ARHGAP12: variants seen among roughly 807,000 people sequenced by gnomAD.
The protein encoded by ARHGAP12 is Rho GTPase activating protein 12.
Under a neutral mutation model 108.6 loss-of-function variants are expected in ARHGAP12, and 64 were observed. The observed-to-expected ratio is 0.59, with a 90% CI of 0.48 to 0.73. The LOEUF (loss-of-function observed/expected upper bound fraction) is 0.73. Ranked by LOEUF, ARHGAP12 falls within the 30% of genes least tolerant of loss-of-function variation. The pLI is 0.00. For missense variants in ARHGAP12, 940 were observed against 1,005.9 expected, an observed-to-expected ratio of 0.93 and a Z score of 0.89; for synonymous variants, 312 against 337.2, an observed-to-expected ratio of 0.93 and a Z score of 0.82.
intron 3 of ARHGAP12, among the ~76,000 whole-genome samples, chr10:31,865,027 G>A (rs1837271101): frequency 6.6e-6 from 1 of 152,080 alleles, no homozygotes; most frequent in South Asian, 2.1e-4. Flanking sequence ...ACAAAAGCTA[G>A]GAAAAACAGC....
chr10:31,838,779 C>T (rs753972306), intron 9 of ARHGAP12, among the ~76,000 whole-genome samples: 6 of 148,974 alleles, frequency 4.0e-5, no homozygotes, highest in Non-Finnish European at 5.9e-5. Flanking sequence ...TGCAGTTAGC[C>T]GAGATCATGC....
At chr10:31,872,909 C>T (rs562030688) in intron 3 of ARHGAP12, among the ~76,000 whole-genome samples, 1 of 152,152 alleles carries the variant, frequency 6.6e-6, no homozygotes, top group Non-Finnish European at 1.5e-5. Flanking sequence ...CCCAGACCTT[C>T]AAATCTTTAC....
chr10:31,832,070 T>C (rs1835856406), intron 9 of ARHGAP12, among the ~76,000 whole-genome samples: 1 of 152,204 alleles, frequency 6.6e-6, no homozygotes, highest in South Asian at 2.1e-4. Flanking sequence ...TAGATTTCCA[T>C]ATGAACAAAG....
chr10:31,821,995 G>A (rs1296229761), intron 11 of ARHGAP12, among the ~76,000 whole-genome samples: 12 of 152,060 alleles, frequency 7.9e-5, no homozygotes, highest in Admixed American at 6.6e-4. Flanking sequence ...CGCTGTAGAT[G>A]GGTAGCTCTA....
intron 3 of ARHGAP12, among the ~76,000 whole-genome samples, chr10:31,876,793 G>A (rs141532312): frequency 1.1e-3 from 168 of 152,268 alleles, no homozygotes; most frequent in African/African-American, 3.5e-3. Flanking sequence ...CCAGTGCTAC[G>A]AACAGTTAGT....
chr10:31,833,414 T>C (rs772624927), intron 9 of ARHGAP12, among the ~76,000 whole-genome samples: 21 of 151,094 alleles, frequency 1.4e-4, no homozygotes, highest in South Asian at 4.2e-4. Context: ...GCAGTAGTGA[T>C]AGACAGCCTA....
intron 3 of ARHGAP12, among the ~76,000 whole-genome samples, chr10:31,892,157 T>C (rs1272260635): frequency 6.6e-6 from 1 of 152,144 alleles, no homozygotes; most frequent in Non-Finnish European, 1.5e-5. Context: ...TGCAAAAACA[T>C]GCCAAATTAT....
chr10:31,818,410 G>A (rs367845967), intron 12 of ARHGAP12, among the ~76,000 whole-genome samples: 41 of 152,222 alleles, frequency 2.7e-4, no homozygotes, highest in African/African-American at 9.6e-4. Flanking sequence ...CCTTTTGGGC[G>A]GAAGTATTAC....
chr10:31,875,413 G>A (rs1374952420), intron 3 of ARHGAP12, among the ~76,000 whole-genome samples: 1 of 152,116 alleles, frequency 6.6e-6, no homozygotes, highest in African/African-American at 2.4e-5. Context: ...AAGTCACTAA[G>A]CTTAGAATTA....
chr10:31,809,216 A>T lies in ARHGAP12; in HGVS notation c.2128+14T>A, dbSNP rs1289466710. On this transcript the variant is annotated intron_variant, in intron 17 of 19. Coordinates refer to ENST00000344936, the MANE Select transcript of ARHGAP12 (RefSeq NM_018287.7). ...AGTGATGCATCTGAATAACAACAGT[A>T]AATATAATCTTACCATGATTGACTG... 6.2e-7 allele frequency: 1 copy of T among 1,613,760 alleles called. No individual in the cohort carries two copies. The highest frequency in any genetic ancestry group is 2.2e-5 in the East Asian group (1 of 44,848).
At chr10:31,893,311 G>T (rs957925497) in intron 3 of ARHGAP12, among the ~76,000 whole-genome samples, 1 of 152,040 alleles carries the variant, frequency 6.6e-6, no homozygotes, top group Non-Finnish European at 1.5e-5. Flanking sequence ...CCAGGAGCTG[G>T]TTTTTTGAAA....
At chr10:31,887,503 T>G (rs1838231044) in intron 3 of ARHGAP12, among the ~76,000 whole-genome samples, 1 of 152,124 alleles carries the variant, frequency 6.6e-6, no homozygotes, top group Admixed American at 6.6e-5. Context: ...CACTATACAA[T>G]AGGTTATTTA....
chr10:31,907,473 AT>A (rs34637757), intron 3 of ARHGAP12, among the ~76,000 whole-genome samples: 33,446 of 103,782 alleles, frequency 0.32, 3,835 homozygotes, highest in East Asian at 0.39. Context: ...AAAAAAAAAA[AT>A]TTTTTTTTAA....
chr10:31,852,697 C>A, intron 5 of ARHGAP12, 100 bp from the exon 6 acceptor site: 36 of 540,230 alleles, frequency 6.7e-5, no homozygotes, highest in East Asian at 1.3e-4. Flanking sequence ...GAATTTTATT[C>A]TACTTGATCA....
intron 3 of ARHGAP12, among the ~76,000 whole-genome samples, chr10:31,894,547 T>G (rs529826077): frequency 6.6e-6 from 1 of 152,180 alleles, no homozygotes; most frequent in African/African-American, 2.4e-5. Context: ...ACAAGGGATG[T>G]GAAGGACCTC....
intron 3 of ARHGAP12, among the ~76,000 whole-genome samples, chr10:31,872,078 G>A (rs1042652621): frequency 6.6e-6 from 1 of 152,056 alleles, no homozygotes; most frequent in African/African-American, 2.4e-5. Context: ...TTCTCTTTAA[G>A]GCAGAAACAT....
intron 7 of ARHGAP12, among the ~76,000 whole-genome samples, chr10:31,840,902 T>G (rs1175494574): frequency 3.3e-5 from 5 of 152,160 alleles, no homozygotes; most frequent in African/African-American, 1.2e-4. Context: ...TCAAAAAAAT[T>G]TAACTTAAGA....
At chr10:31,848,400 C>G (rs1346551100) in intron 6 of ARHGAP12, among the ~76,000 whole-genome samples, 1 of 152,146 alleles carries the variant, frequency 6.6e-6, no homozygotes, top group Admixed American at 6.5e-5. Context: ...AGCATATTTT[C>G]TAAAGACTCA....
chr10:31,888,229 T>C (rs1373341401), intron 3 of ARHGAP12, among the ~76,000 whole-genome samples: 2 of 152,166 alleles, frequency 1.3e-5, no homozygotes, highest in African/African-American at 2.4e-5. Context: ...AACAACAACA[T>C]GTCTCCCTTA....
Sources: allele counts gnomAD v4.1 joint callset (sites outside exome capture counted in the v4.1 genomes callset), GRCh38; gene constraint gnomAD v4.1.1; transcripts MANE v1.5; gene names NCBI Gene and HGNC (gene_info 2026-07-23, HGNC 2026-07-21).